Variants in CFAP65 observed in about 807,000 individuals in gnomAD.
CFAP65 encodes the protein cilia and flagella associated protein 65.
In CFAP65, 155 loss-of-function variants were observed where a neutral mutation model predicts 208.0. That is an observed-to-expected ratio of 0.75 (90% CI 0.65 to 0.85). The LOEUF (loss-of-function observed/expected upper bound fraction) is 0.85, where lower values mean the gene tolerates loss of function less well. Among genes scored for constraint, CFAP65 ranks in the 40% least tolerant of loss-of-function variants. The pLI is 0.00. For synonymous variants in CFAP65, 970 were observed against 986.3 expected, an observed-to-expected ratio of 0.98 and a Z score of 0.31; for missense variants, 2,294 against 2,451.3, an observed-to-expected ratio of 0.94 and a Z score of 1.36.
At chr2:219,007,168 G>GT (rs77968701) in intron 29 of CFAP65, among the ~76,000 whole-genome samples, 12,028 of 138,696 alleles carry the variant, frequency 0.087, 515 homozygotes, top group East Asian at 0.16. Flanking sequence ...GTTTTTGTTT[G>GT]TTTTTTTTTC....
chr2:219,041,452 G>C (rs749558825), intron 1 of CFAP65, 36 bp downstream of exon 1: 5 of 1,549,994 alleles, frequency 3.2e-6, no homozygotes, highest in Non-Finnish European at 4.4e-6. Flanking sequence ...CGCTCCCTGA[G>C]ACCCTGGGAC....
At chr2:219,010,402 G>A (rs910248168) in intron 26 of CFAP65, 144 bp downstream of exon 26, 10 of 840,580 alleles carry the variant, frequency 1.2e-5, no homozygotes, top group Non-Finnish European at 1.8e-5. Context: ...GGAGGAGGGT[G>A]AGTTCCAAGG....
chr2:219,023,086 G>A, intron 16 of CFAP65, 121 bp downstream of exon 16: 3 of 787,696 alleles, frequency 3.8e-6, no homozygotes, highest in Non-Finnish European at 6.5e-6. Context: ...ATCGCCAGGT[G>A]GGGGAAGTTA....
In CFAP65 at chr2:219,029,637, G is replaced by A. The variant is rs1209147006; in HGVS notation, c.1416C>T (p.Val472=). The A allele has an allele frequency of 6.2e-7, 1 of 1,614,012 alleles. No individual in the cohort carries two copies. Among genetic ancestry groups the A allele is most frequent in the Non-Finnish European group, 8.5e-7 (1 of 1,180,022 alleles). ...CCCCAAGGTTGACCCAGCTGAAGTTGACACAGTAGTGCTGCAGGGACACAG... is the reference window on the plus strand; with the variant it reads ...CCCCAAGGTTGACCCAGCTGAAGTTAACACAGTAGTGCTGCAGGGACACAG... ...GPAVSLQHYC[V]NFSWVNLGER... is the part of the protein sequence containing the mutation. Residue 472 remains valine (V), a synonymous_variant, in exon 11 of 35, where the codon GTC becomes GTT. Transcript: ENST00000341552.
At chr2:219,040,448 A>T in intron 2 of CFAP65, 71 bp downstream of exon 2, 1 of 857,536 alleles carries the variant, frequency 1.2e-6, no homozygotes, top group Non-Finnish European at 1.9e-6. Context: ...TCGTTCGTTC[A>T]TTCACAAAGC....
At position 219,020,869 on chromosome 2, in the gene CFAP65, C is replaced by T. The variant is rs577771396; in HGVS notation, c.3259+283G>A. 1.2e-4 allele frequency among the ~76,000 whole-genome samples: 19 copies of T among 152,316 alleles called. No homozygotes were observed. In the South Asian group the frequency reaches 3.7e-3, roughly 30 times the overall value. ...GCAGGCTAGTAAGTACTCCATTTTA[C>T]GGAGAAGGAAGATGAGGCCCAGCGA... On this transcript the variant is annotated intron_variant, in intron 19 of 34. Transcript: ENST00000341552.
chr2:219,004,839 G>C lies in CFAP65; in HGVS notation c.5052-384C>G, dbSNP rs1270756451. ...CCTGGGGTGGGGGGGCCGGGGGGGG[G>C]GACCGTGGTGGGATCTTGCAAAGAA... On this transcript the variant is annotated intron_variant, in intron 32 of 34. Transcript: ENST00000341552. The surrounding 1 kb of genome is among the most constrained non-coding windows in gnomAD (Gnocchi z 4.7). Among the ~76,000 whole-genome samples the C allele has an allele frequency of 1.4e-5, 2 of 140,732 alleles. No individual in the cohort carries two copies. The highest frequency in any genetic ancestry group is 3.1e-5 in the Non-Finnish European group (2 of 63,726). 92.3% of individuals were successfully genotyped at this position (140,732 alleles called of 152,430 possible). A position where few individuals can be genotyped will look rare whatever the true frequency, so the allele number is the denominator to read the frequency against.
chr2:219,038,307 G>A, intron 4 of CFAP65, 68 bp downstream of exon 4: 2 of 1,457,246 alleles, frequency 1.4e-6, no homozygotes, highest in Admixed American at 3.7e-5. Flanking sequence ...CCACCCCACT[G>A]CCCTGCCACC....
At chr2:219,017,167 G>A (rs1205169021) in intron 21 of CFAP65, among the ~76,000 whole-genome samples, 3 of 152,240 alleles carry the variant, frequency 2.0e-5, no homozygotes, top group African/African-American at 7.2e-5. Flanking sequence ...CCAGCATCTA[G>A]GAAGCACCCA....
intron 2 of CFAP65, chr2:219,039,340 TTC>T (rs1357010445): frequency 4.6e-6 from 1 of 218,922 alleles, no homozygotes; most frequent in African/African-American, 2.3e-5. Context: ...TTTAGCTGGC[TTC>T]TTTTAGCACA....
rs1335011527 is a variant in CFAP65 at position 219,029,669 on chromosome 2, C to T, written c.1385-1G>A. 1 of 1,612,958 alleles carries T rather than the reference C, an allele frequency of 6.2e-7. No individual in the cohort carries two copies. The highest frequency in any genetic ancestry group is 1.7e-5 in the Admixed American group (1 of 59,988). ...TAGTGCTGCAGGGACACAGCAGGGCCTGGACACAGGAGATGGGGTATCAGC... is the reference window on the plus strand; with the variant it reads ...TAGTGCTGCAGGGACACAGCAGGGCTTGGACACAGGAGATGGGGTATCAGC... On this transcript the variant is annotated splice_acceptor_variant, in intron 10 of 34. Transcript: ENST00000341552. LOFTEE classifies it high-confidence loss of function.
At chr2:219,038,629 G>C (rs372575230) in intron 3 of CFAP65, 51 bp from the exon 4 acceptor site, 1 of 1,516,520 alleles carries the variant, frequency 6.6e-7, no homozygotes, top group Admixed American at 1.8e-5. Flanking sequence ...GAGAAAGAGA[G>C]GCTGAGGGAG....
chr2:219,009,429 GCCACCACCCCTATCATGGGACTCAC>G lies in CFAP65; in HGVS notation c.4459_4483del (p.Val1487LeufsTer10), dbSNP rs1946272091. The G allele has an allele frequency of 1.2e-6, 2 of 1,612,560 alleles. No homozygotes were observed. Among genetic ancestry groups the G allele is most frequent in the East Asian group, 4.5e-5 (2 of 44,876 alleles). ...CACAAATGGGACCGTCTCTTCAGGA[GCCACCACCCCTATCATGGGACTCAC>G]AGACACCTGTTGATTTGGGGAAGGA... On this transcript the variant is annotated frameshift_variant, in exon 28 of 35. Coordinates refer to ENST00000341552, the MANE Select transcript of CFAP65 (RefSeq NM_194302.4). LOFTEE classifies it high-confidence loss of function.
At chr2:219,018,120 A>G (rs1947025682) in intron 21 of CFAP65, 1 of 152,102 alleles carries the variant, frequency 6.6e-6, no homozygotes, top group Non-Finnish European at 1.5e-5. Flanking sequence ...CGAGTTCCTG[A>G]TCACAGGAGC....
intron 16 of CFAP65, 104 bp downstream of exon 16, chr2:219,023,103 A>T: frequency 3.3e-6 from 3 of 910,890 alleles, no homozygotes; most frequent in Non-Finnish European, 5.3e-6. Flanking sequence ...GTTACTGTGG[A>T]TGGAATTGGG....
intron 13 of CFAP65, chr2:219,027,216 A>T (rs1194037172): frequency 3.9e-6 from 5 of 1,298,658 alleles, no homozygotes; most frequent in Non-Finnish European, 4.9e-6. Context: ...AAGCTGAGTC[A>T]GAAGCCCTTT....
rs141333910 is a variant in CFAP65, at chr2:219,005,459, C to T, written c.5026G>A (p.Val1676Ile). 2.0e-5 allele frequency: 33 copies of T among 1,613,660 alleles called. No homozygotes were observed. The highest frequency in any genetic ancestry group is 2.7e-5 in the Non-Finnish European group (32 of 1,179,992). ...PVSKQKKQLL[V>I]DILTTIIRGL... ...CTGATTATTGTGGTGAGAATGTCAA[C>T]CAGGAGCTGCTTCTTCTGCTTGGAA... is the stretch of plus-strand genomic sequence containing the variant. The change falls in exon 32 of 35, where the codon GTT becomes ATT. Residue 1676 changes from valine (V) to isoleucine (I), a missense_variant. Physicochemically the swap from Val to Ile is conservative, Grantham distance 29. Transcript: ENST00000341552.
At chr2:219,008,578 C>T (rs180738417) in intron 29 of CFAP65, among the ~76,000 whole-genome samples, 41 of 152,230 alleles carry the variant, frequency 2.7e-4, no homozygotes, top group Non-Finnish European at 4.3e-4. Flanking sequence ...AACCCCATCC[C>T]TACTAAAAAT....
chr2:219,013,228 C>A (rs779650076), intron 24 of CFAP65, 31 bp downstream of exon 24: 164 of 1,466,574 alleles, frequency 1.1e-4, no homozygotes, highest in Non-Finnish European at 1.2e-4. Context: ...CTTAGGCCTT[C>A]TTGGTCAACA....
Sources: allele counts gnomAD v4.1 joint callset (sites outside exome capture counted in the v4.1 genomes callset), GRCh38; gene constraint gnomAD v4.1.1; non-coding constraint Gnocchi (gnomAD v3.1); transcripts MANE v1.5; gene names NCBI Gene and HGNC (gene_info 2026-07-23, HGNC 2026-07-21).